Variants in MPDZ observed in about 807,000 individuals in gnomAD.
MPDZ encodes the protein multiple PDZ domain crumbs cell polarity complex component.
A neutral mutation model predicts 239.1 loss-of-function variants in MPDZ; 234 were observed. That is an observed-to-expected ratio of 0.98 (90% confidence interval 0.88 to 1.09). The LOEUF is 1.09. Among genes scored for constraint, MPDZ ranks in the 50% least tolerant of loss-of-function variants. MPDZ has a pLI of 0.00. For missense variants in MPDZ, 3,175 were observed against 2,510.0 expected (o/e 1.26, Z -5.66); for synonymous variants, 1,048 against 881.3 (o/e 1.19, Z -3.35).
intron 32 of MPDZ, 39 bp downstream of exon 32, chr9:13,133,785 G>C (rs1162441505): frequency 5.8e-6 from 8 of 1,378,074 alleles, no homozygotes; most frequent in Non-Finnish European, 8.2e-6. Flanking sequence ...TGAGGTAAAG[G>C]AACTCACATC....
chr9:13,197,611 TG>T (rs1393350487), intron 12 of MPDZ, among the ~76,000 whole-genome samples: 4 of 152,176 alleles, frequency 2.6e-5, no homozygotes, highest in Non-Finnish European at 4.4e-5. Flanking sequence ...TTGTGTGTGT[TG>T]GGAACATTCC....
intron 3 of MPDZ, among the ~76,000 whole-genome samples, chr9:13,246,896 A>T (rs541404817): frequency 1.3e-5 from 2 of 152,236 alleles, no homozygotes; most frequent in South Asian, 4.1e-4. Flanking sequence ...TGAAGATAAC[A>T]TTTTTTAAAT....
chr9:13,110,123 A>T, intron 44 of MPDZ, 59 bp from the exon 45 acceptor site: 1 of 1,225,394 alleles, frequency 8.2e-7, no homozygotes, highest in Non-Finnish European at 1.1e-6. Flanking sequence ...AGGGAAAGTA[A>T]TTTTTCTTCA....
At chr9:13,224,730 C>T (rs968124620) in intron 3 of MPDZ, 147 bp from the exon 4 acceptor site, 1 of 611,132 alleles carries the variant, frequency 1.6e-6, no homozygotes, top group Non-Finnish European at 2.8e-6. Flanking sequence ...AAATTTATTT[C>T]AAGGATGAAC....
chr9:13,186,444 A>G (rs1292667004), intron 17 of MPDZ, 58 bp from the exon 18 acceptor site: 1 of 1,262,514 alleles, frequency 7.9e-7, no homozygotes, highest in Non-Finnish European at 1.1e-6. Flanking sequence ...AAGAAAGAAA[A>G]TGGAAAAGAA....
In MPDZ at chr9:13,138,057, T is replaced by C. The variant is rs1046253065; in HGVS notation, c.4100A>G (p.Asn1367Ser). 1 of 1,613,866 alleles carries C rather than the reference T, an allele frequency of 6.2e-7. No homozygotes were observed. Among genetic ancestry groups the C allele is most frequent in the Middle Eastern group, 1.6e-4 (1 of 6,062 alleles). ...GACACTCATCCTGGATCGGTCTTTG[T>C]TCCCAGCAAGACTTAGGCCCAAACC... ...HSGLGLSLAG[N>S]KDRSRMSVFI... The change falls in exon 29 of 47, where the codon AAC becomes AGC. Residue 1367 changes from asparagine (N) to serine (S), a missense_variant. Transcript: ENST00000319217.
intron 46 of MPDZ, among the ~76,000 whole-genome samples, chr9:13,107,664 A>G (rs1034985248): frequency 6.6e-6 from 1 of 152,172 alleles, no homozygotes; most frequent in Non-Finnish European, 1.5e-5. Context: ...TGAAAAAGCT[A>G]TTCAAGCTGT....
rs375244268 is a variant in MPDZ at position 13,169,164 on chromosome 9, T to C, written c.3056-600A>G. Among the ~76,000 whole-genome samples, 23 of 152,298 alleles carry C rather than the reference T, an allele frequency of 1.5e-4. No individual in the cohort carries two copies. In the East Asian group the frequency reaches 1.7e-3, roughly 12 times the overall value. On this transcript the variant is annotated intron_variant, in intron 21 of 46. Coordinates refer to ENST00000319217, the MANE Select transcript of MPDZ (RefSeq NM_001378778.1). ...AGTGGTGTGGGAAAGTATAACAGTT[T>C]GTTGAAATGAATTTATATGAACTTA...
chr9:13,114,096 T>A, intron 40 of MPDZ, 75 bp from the exon 41 acceptor site: 1 of 1,141,284 alleles, frequency 8.8e-7, no homozygotes, highest in Non-Finnish European at 1.3e-6. Context: ...TTTCAGAATT[T>A]AATCTAGAGA....
chr9:13,110,594 G>C, intron 44 of MPDZ, 42 bp downstream of exon 44: 1 of 1,422,838 alleles, frequency 7.0e-7, no homozygotes, highest in South Asian at 1.2e-5. Flanking sequence ...TGTGTCTTCA[G>C]GCTACCTATA....
At chr9:13,161,403 C>T (rs956127600) in intron 23 of MPDZ, among the ~76,000 whole-genome samples, 3 of 152,138 alleles carry the variant, frequency 2.0e-5, no homozygotes, top group African/African-American at 7.2e-5. Context: ...AACCTCATCT[C>T]TACTAAAAGT....
At chr9:13,188,600 C>A (rs1954467520) in intron 17 of MPDZ, among the ~76,000 whole-genome samples, 184 bp downstream of exon 17, 1 of 152,010 alleles carries the variant, frequency 6.6e-6, no homozygotes, top group African/African-American at 2.4e-5. Context: ...TGGCTATTTT[C>A]TTTCCTTTAT....
chr9:13,145,427 C>T (rs1475897792), intron 26 of MPDZ, among the ~76,000 whole-genome samples: 3 of 151,866 alleles, frequency 2.0e-5, no homozygotes, highest in Non-Finnish European at 4.4e-5. Flanking sequence ...CTTGAAGAGC[C>T]TAAGGGCCAA....
At chr9:13,162,648 C>T in intron 23 of MPDZ, 43 bp downstream of exon 23, 1 of 1,310,400 alleles carries the variant, frequency 7.6e-7, no homozygotes, top group Non-Finnish European at 1.1e-6. Context: ...TTCTCTACAA[C>T]TTGCTGTACC....
rs573216666 is a variant in MPDZ, at chr9:13,140,103, C to T, written c.3887G>A (p.Ser1296Asn). 3.1e-6 allele frequency: 5 copies of T among 1,613,460 alleles called. No homozygotes were observed. The highest frequency in any genetic ancestry group is 4.2e-6 in the Non-Finnish European group (5 of 1,179,772). The stretch of plus-strand genomic sequence containing the variant: ...GGCTGAAGGAGGGGGTGGGGGCACA[C>T]TGCACAATGGAGCCTTCTCTGGCTC... ...ESEPEKAPLCSVPPPPPSAFA... is the reference protein window; with the variant it reads ...ESEPEKAPLCNVPPPPPSAFA... Residue 1296 changes from serine to asparagine, a missense_variant, in exon 28 of 47, where the codon AGT (serine) becomes AAT (asparagine). Transcript: ENST00000319217.
chr9:13,107,231 T>G (rs1302969217), intron 46 of MPDZ, 120 bp from the exon 47 acceptor site: 2 of 1,053,564 alleles, frequency 1.9e-6, no homozygotes, highest in Admixed American at 2.3e-5. Context: ...CTGCTCCCAG[T>G]GCTCCATGGG....
chr9:13,214,387 A>G (rs1254862701), intron 10 of MPDZ, among the ~76,000 whole-genome samples: 1 of 152,006 alleles, frequency 6.6e-6, no homozygotes, highest in Non-Finnish European at 1.5e-5. Context: ...ATAGAGACAG[A>G]AAGTAGATTG....
chr9:13,185,107 T>C (rs1563981795), intron 18 of MPDZ, among the ~76,000 whole-genome samples: 1 of 152,074 alleles, frequency 6.6e-6, no homozygotes, highest in Non-Finnish European at 1.5e-5. Flanking sequence ...GTACTGTATG[T>C]AATTCGTTGT....
chr9:13,200,075 C>A (rs1348581070), intron 12 of MPDZ, among the ~76,000 whole-genome samples: 4 of 151,774 alleles, frequency 2.6e-5, no homozygotes, highest in African/African-American at 9.7e-5. Context: ...AAGTTTAAGT[C>A]CTGGGATTTT....
Sources: allele counts gnomAD v4.1 joint callset (sites outside exome capture counted in the v4.1 genomes callset), GRCh38; gene constraint gnomAD v4.1.1; transcripts MANE v1.5; gene names NCBI Gene and HGNC (gene_info 2026-07-23, HGNC 2026-07-21).